Variants in ALMS1 observed in about 807,000 individuals in gnomAD.
The protein encoded by ALMS1 is ALMS1 centrosome and basal body associated protein.
A neutral mutation model predicts 352.2 loss-of-function variants in ALMS1; 271 were observed. That is an observed-to-expected ratio of 0.77 (90% CI 0.70 to 0.85). ALMS1 has a LOEUF of 0.85. Ranked by LOEUF, ALMS1 falls within the 40% of genes least tolerant of loss-of-function variation. The probability of loss-of-function intolerance (pLI) is 0.00; values close to 1 mark genes in which losing one functional copy is unlikely to be tolerated. For missense variants in ALMS1, 5,445 were observed against 4,870.7 expected (o/e 1.12, Z -3.51); for synonymous variants, 1,865 against 1,761.2 (o/e 1.06, Z -1.48).
rs778165277 is a variant in ALMS1 at position 73,573,442 on chromosome 2, C to A, written c.11547+18C>A. ...ACATCCAGGTACATGGCTACAGATT[C>A]CATCTGGCAATGTGACTGCCCTCTT... On this transcript the variant is annotated intron_variant, in intron 16 of 22. Coordinates refer to ENST00000613296, the MANE Select transcript of ALMS1 (RefSeq NM_001378454.1). 4 of 1,613,054 alleles carry A rather than the reference C, an allele frequency of 2.5e-6. No individual in the cohort carries two copies. The African/African-American group carries it at 4.0e-5, about 16-fold the overall frequency.
intron 16 of ALMS1, among the ~76,000 whole-genome samples, chr2:73,595,053 A>G (rs1479524395): frequency 3.9e-5 from 6 of 152,112 alleles, no homozygotes; most frequent in Admixed American, 6.6e-5. Flanking sequence ...TTTCTGCCAC[A>G]CCCTTCCCCA....
rs779182344 is a variant in ALMS1 at position 73,572,914 on chromosome 2, TA to T, written c.11041del (p.Ser3681AlafsTer2). 2 of 1,613,472 alleles carry T rather than the reference TA, an allele frequency of 1.2e-6. No individual in the cohort carries two copies. On this transcript the variant is annotated frameshift_variant, in exon 16 of 23. Coordinates refer to ENST00000613296, the MANE Select transcript of ALMS1 (RefSeq NM_001378454.1). LOFTEE classifies it high-confidence loss of function. ...RNKLQKKKRFKSLEKSHKNTG... is the reference protein window; with the variant it reads ...RNKLQKKKRFXSLEKSHKNTG... ...ATAAGCTTCAGAAAAAGAAGCGGTT[TA>T]AAAGCCTAGAGAAAAGCCATAAAAA...
intron 16 of ALMS1, among the ~76,000 whole-genome samples, chr2:73,575,958 CT>C (rs1675045012): frequency 1.3e-5 from 2 of 152,044 alleles, no homozygotes; most frequent in African/African-American, 4.8e-5. Flanking sequence ...TTAGCTTTTA[CT>C]TTTAGGTCTT....
chr2:73,452,827 A>G lies in ALMS1; in HGVS notation c.6300A>G (p.Lys2100=). Residue 2100 remains lysine (K), a synonymous_variant, in exon 8 of 23, where the codon AAA becomes AAG. Coordinates refer to ENST00000613296, the MANE Select transcript of ALMS1 (RefSeq NM_001378454.1). ...SLSSSYFHRE[K]SNIFSPQELP... is the part of the protein sequence containing the mutation. Reference sequence around the variant, plus strand: ...CTAGTTCTTATTTTCACAGAGAGAAATCGAATATTTTCAGTCCACAGGAAT... The same window carrying G: ...CTAGTTCTTATTTTCACAGAGAGAAGTCGAATATTTTCAGTCCACAGGAAT... 6.2e-7 allele frequency: 1 copy of G among 1,613,852 alleles called. No homozygotes were observed. The highest frequency in any genetic ancestry group is 8.5e-7 in the Non-Finnish European group (1 of 1,179,988).
chr2:73,509,192 C>T (rs536765014), intron 10 of ALMS1, among the ~76,000 whole-genome samples: 1 of 152,182 alleles, frequency 6.6e-6, no homozygotes, highest in Non-Finnish European at 1.5e-5. Context: ...TGGGTCTTGA[C>T]TCTTTATCCA....
intron 10 of ALMS1, among the ~76,000 whole-genome samples, chr2:73,499,719 C>T (rs148888656): frequency 1.8e-4 from 28 of 152,184 alleles, no homozygotes; most frequent in African/African-American, 6.3e-4. Context: ...ATTTGATCCC[C>T]AGCATTAGAG....
At chr2:73,533,957 A>G (rs1320391617) in intron 11 of ALMS1, among the ~76,000 whole-genome samples, 2 of 152,198 alleles carry the variant, frequency 1.3e-5, no homozygotes, top group Non-Finnish European at 2.9e-5. Context: ...GAGAATAAGT[A>G]TAAACAGGAA....
chr2:73,446,142 C>T (rs1419630446), intron 7 of ALMS1, among the ~76,000 whole-genome samples: 2 of 152,084 alleles, frequency 1.3e-5, no homozygotes, highest in African/African-American at 2.4e-5. Context: ...AACCTATAGT[C>T]GTTCTTCCAG....
chr2:73,576,596 A>C (rs374747393), intron 16 of ALMS1, among the ~76,000 whole-genome samples: 1 of 150,252 alleles, frequency 6.7e-6, no homozygotes, highest in East Asian at 1.9e-4. Flanking sequence ...GCATCTATTG[A>C]GATTACTAGT....
intron 7 of ALMS1, among the ~76,000 whole-genome samples, chr2:73,440,473 G>C (rs201925408): frequency 6.6e-6 from 1 of 151,158 alleles, no homozygotes; most frequent in Non-Finnish European, 1.5e-5. Flanking sequence ...TCTCTCTCTT[G>C]CTGTCTCTTT....
intron 12 of ALMS1, among the ~76,000 whole-genome samples, chr2:73,536,876 A>G (rs1201581572): frequency 6.6e-6 from 1 of 152,238 alleles, no homozygotes; most frequent in African/African-American, 2.4e-5. Flanking sequence ...GCCAAATCCC[A>G]CTAAGCACAG....
chr2:73,541,694 C>T (rs1309574710), intron 12 of ALMS1, among the ~76,000 whole-genome samples: 32 of 152,158 alleles, frequency 2.1e-4, no homozygotes, highest in African/African-American at 6.7e-4. Flanking sequence ...ATATCACCAC[C>T]GATCCCACAG....
chr2:73,569,722 T>C (rs772172888), intron 15 of ALMS1, among the ~76,000 whole-genome samples: 1 of 152,216 alleles, frequency 6.6e-6, no homozygotes, highest in Non-Finnish European at 1.5e-5. Flanking sequence ...CTCTCCCTTA[T>C]TGCCTCAGTT....
chr2:73,593,741 T>C (rs777312227), intron 16 of ALMS1, among the ~76,000 whole-genome samples: 8 of 152,160 alleles, frequency 5.3e-5, no homozygotes, highest in Non-Finnish European at 8.8e-5. Context: ...CAATCTTCAT[T>C]TCCCCAGCCT....
At chr2:73,605,879 A>G (rs1049875219) in intron 21 of ALMS1, among the ~76,000 whole-genome samples, 5 of 152,096 alleles carry the variant, frequency 3.3e-5, no homozygotes, top group African/African-American at 1.2e-4. Flanking sequence ...ACTATCACTT[A>G]TCAAGTTTGG....
intron 11 of ALMS1, among the ~76,000 whole-genome samples, chr2:73,527,386 A>G (rs1673813362): frequency 6.6e-6 from 1 of 152,102 alleles, no homozygotes; most frequent in Admixed American, 6.5e-5. Flanking sequence ...TTCGGCAGTT[A>G]AGCCATTGAG....
At chr2:73,455,538 G>C (rs1251714910) in intron 9 of ALMS1, among the ~76,000 whole-genome samples, 1 of 152,080 alleles carries the variant, frequency 6.6e-6, no homozygotes, top group Non-Finnish European at 1.5e-5. Flanking sequence ...CAGGTAGCTG[G>C]GACCACATGT....
At chr2:73,501,040 G>A (rs1341900412) in intron 10 of ALMS1, among the ~76,000 whole-genome samples, 2 of 152,134 alleles carry the variant, frequency 1.3e-5, no homozygotes, top group Non-Finnish European at 2.9e-5. Flanking sequence ...CTAAATGTGA[G>A]TATGAAACAG....
At chr2:73,573,888 A>C (rs542925455) in intron 16 of ALMS1, among the ~76,000 whole-genome samples, 2 of 152,180 alleles carry the variant, frequency 1.3e-5, no homozygotes, top group East Asian at 3.9e-4. Flanking sequence ...AGTTGATTTG[A>C]AAAATTGAAG....
Sources: allele counts gnomAD v4.1 joint callset (sites outside exome capture counted in the v4.1 genomes callset), GRCh38; gene constraint gnomAD v4.1.1; transcripts MANE v1.5; gene names NCBI Gene and HGNC (gene_info 2026-07-23, HGNC 2026-07-21).